Variants in SDK2 observed in about 807,000 individuals in gnomAD.
The protein encoded by SDK2 is sidekick cell adhesion molecule 2.
SDK2 carries 105 observed loss-of-function variants against 253.9 expected under a neutral mutation model. That is an observed-to-expected ratio of 0.41 (90% CI 0.35 to 0.49). SDK2 has a LOEUF of 0.49. Among genes scored for constraint, SDK2 ranks in the 20% least tolerant of loss-of-function variants. The probability of loss-of-function intolerance (pLI) is 0.06; values close to 1 mark genes in which losing one functional copy is unlikely to be tolerated. For synonymous variants in SDK2, 1,249 were observed against 1,234.9 expected, an observed-to-expected ratio of 1.01 and a Z score of -0.24; for missense variants, 2,608 against 3,003.0, an observed-to-expected ratio of 0.87 and a Z score of 3.07.
intron 4 of SDK2, among the ~76,000 whole-genome samples, chr17:73,453,328 C>A (rs570087621): frequency 6.6e-6 from 1 of 151,368 alleles, no homozygotes; most frequent in African/African-American, 2.4e-5. Flanking sequence ...TGCAGACTCA[C>A]AAGAAAAAGA....
chr17:73,377,759 T>C (rs2062795156), intron 36 of SDK2, among the ~76,000 whole-genome samples: 1 of 149,066 alleles, frequency 6.7e-6, no homozygotes, highest in Admixed American at 6.7e-5. Flanking sequence ...ATTACAGGCA[T>C]GCGCCACCAC....
intron 1 of SDK2, among the ~76,000 whole-genome samples, chr17:73,591,795 C>T (rs1019162933): frequency 6.6e-6 from 1 of 152,080 alleles, no homozygotes; most frequent in African/African-American, 2.4e-5. Context: ...CTGAGCTTTG[C>T]GGAGATGCTT....
chr17:73,572,625 GT>G (rs1364165914), intron 1 of SDK2, among the ~76,000 whole-genome samples: 1 of 152,214 alleles, frequency 6.6e-6, no homozygotes, highest in East Asian at 1.9e-4. Context: ...GACCATGTCT[GT>G]TTTTGTCTCA....
At chr17:73,637,065 A>G (rs1445348996) in intron 1 of SDK2, among the ~76,000 whole-genome samples, 1 of 152,192 alleles carries the variant, frequency 6.6e-6, no homozygotes, top group Non-Finnish European at 1.5e-5. Flanking sequence ...GATCCTATAC[A>G]TACCACTTCT....
intron 42 of SDK2, 66 bp from the exon 43 acceptor site, chr17:73,350,441 A>C: frequency 6.4e-7 from 1 of 1,552,604 alleles, no homozygotes; most frequent in South Asian, 1.2e-5. Flanking sequence ...ACCACTCTCC[A>C]CCTGGCTGGG....
intron 3 of SDK2, among the ~76,000 whole-genome samples, chr17:73,459,734 A>G (rs1396783896): frequency 1.3e-5 from 2 of 150,954 alleles, no homozygotes; most frequent in Non-Finnish European, 2.9e-5. Flanking sequence ...CAGTCTCGCT[A>G]TGTTGCCCAG....
chr17:73,365,175 G>A (rs2062673304), intron 38 of SDK2, 83 bp downstream of exon 38: 1 of 1,037,508 alleles, frequency 9.6e-7, no homozygotes, highest in South Asian at 1.8e-5. Context: ...TCACTCATGT[G>A]TAGTGGCTGT....
chr17:73,355,460 C>T (rs144989884), intron 40 of SDK2, among the ~76,000 whole-genome samples: 299 of 152,034 alleles, frequency 2.0e-3, no homozygotes, highest in African/African-American at 6.9e-3. Flanking sequence ...GCCTTAGCCT[C>T]CGGAGTAGCT....
chr17:73,585,594 A>G (rs940972093), intron 1 of SDK2, among the ~76,000 whole-genome samples: 1 of 152,032 alleles, frequency 6.6e-6, no homozygotes, highest in Non-Finnish European at 1.5e-5. Flanking sequence ...CCAGGCGGGG[A>G]AATACTGGCT....
Position 73,381,606 on chromosome 17 carries a change from C to T in SDK2, c.4706-656G>A, listed in dbSNP as rs1056450580. Among the ~76,000 whole-genome samples, 6 of 152,108 alleles carry T rather than the reference C, an allele frequency of 3.9e-5. No individual in the cohort carries two copies. The East Asian group carries it at 1.2e-3, about 29-fold the overall frequency. On this transcript the variant is annotated intron_variant, in intron 33 of 44. Coordinates refer to ENST00000392650, the MANE Select transcript of SDK2 (RefSeq NM_001144952.2). The stretch of plus-strand genomic sequence containing the variant: ...GTGAAAATGAAGAGGCTGGGCCGGG[C>T]GCAGTGGCTCATGCCTGTAATCTCA...
At chr17:73,463,522 G>T (rs920382284) in intron 3 of SDK2, among the ~76,000 whole-genome samples, 3 of 151,616 alleles carry the variant, frequency 2.0e-5, no homozygotes, top group African/African-American at 7.3e-5. Context: ...CCCCTACCCT[G>T]GATCTCCCCC....
chr17:73,596,863 C>A (rs937582993), intron 1 of SDK2, among the ~76,000 whole-genome samples: 2 of 152,236 alleles, frequency 1.3e-5, no homozygotes, highest in African/African-American at 4.8e-5. Flanking sequence ...ATGAAGCTGG[C>A]TTGGAATGGG....
At position 73,350,289 on chromosome 17, in the gene SDK2, T is replaced by G. The variant is rs1274285661; in HGVS notation, c.5986A>C (p.Arg1996=). The change falls in exon 43 of 45, where the codon AGG becomes CGG. Residue 1996 remains arginine (R), a synonymous_variant. Transcript: ENST00000392650. ...AAAGAGTTCTTGACGGAGAGCCGCC[T>G]GTTGTTGAGTTCCAGGGCAGGGAAG... ...SSFPALELNN[R]RLSVKNSFCR... 1 of 1,600,568 alleles carries G rather than the reference T, an allele frequency of 6.2e-7. No homozygotes were observed.
chr17:73,497,068 T>C (rs1463786825), intron 2 of SDK2, among the ~76,000 whole-genome samples: 1 of 152,188 alleles, frequency 6.6e-6, no homozygotes, highest in African/African-American at 2.4e-5. Flanking sequence ...GGCTAACTTT[T>C]GTATTTTTAG....
At chr17:73,473,407 C>T (rs1275681262) in intron 2 of SDK2, among the ~76,000 whole-genome samples, 3 of 152,184 alleles carry the variant, frequency 2.0e-5, no homozygotes, top group East Asian at 3.9e-4. Flanking sequence ...AATGGTCCCA[C>T]AGGACCCTCA....
At chr17:73,515,042 A>G (rs2064013524) in intron 1 of SDK2, among the ~76,000 whole-genome samples, 1 of 152,140 alleles carries the variant, frequency 6.6e-6, no homozygotes, top group Non-Finnish European at 1.5e-5. Context: ...CATACTAACC[A>G]TGGAACTTTC....
intron 15 of SDK2, 44 bp downstream of exon 15, chr17:73,422,243 G>A: frequency 6.2e-7 from 1 of 1,604,402 alleles, no homozygotes; most frequent in Non-Finnish European, 8.5e-7. Context: ...GCCCCTGCCT[G>A]TTGGAGTCCT....
At chr17:73,458,453 A>G (rs1421568081) in intron 3 of SDK2, among the ~76,000 whole-genome samples, 1 of 152,138 alleles carries the variant, frequency 6.6e-6, no homozygotes, top group Non-Finnish European at 1.5e-5. Flanking sequence ...CTGTCACACA[A>G]TCGTTTGAGA....
rs756388184 is a variant in SDK2 at position 73,361,831 on chromosome 17, C to T, written c.5320G>A (p.Val1774Met). Residue 1774 changes from valine (V) to methionine (M), a missense_variant, in exon 39 of 45, where the codon GTG becomes ATG. Val to Met is a conservative substitution (Grantham distance 21). This residue lies in a region of SDK2 where 1,103 missense variants were observed against 1,143.9 expected (regional missense o/e 0.96). Transcript: ENST00000392650. This position sits in a 1 kb window ranked among gnomAD's most constrained non-coding sequence, Gnocchi z 4.1. ...CTGTTCCCCTTCACGTCCACGGTCA[C>T]GATCTTGCTGACTCCTGGGGGAGGC... Reference protein sequence around the residue: ...CSPVDGVSKIVTVDVKGNSPL... With the variant: ...CSPVDGVSKIMTVDVKGNSPL... The T allele has an allele frequency of 5.0e-6, 8 of 1,595,932 alleles. No homozygotes were observed. Among genetic ancestry groups the T allele is most frequent in the East Asian group, 2.3e-5 (1 of 44,176 alleles).
Sources: allele counts gnomAD v4.1 joint callset (sites outside exome capture counted in the v4.1 genomes callset), GRCh38; gene constraint gnomAD v4.1.1; regional missense constraint gnomAD v4.1.1; non-coding constraint Gnocchi (gnomAD v3.1); transcripts MANE v1.5; gene names NCBI Gene and HGNC (gene_info 2026-07-23, HGNC 2026-07-21).